GSDME: variants seen among roughly 807,000 people sequenced by gnomAD.
The protein encoded by GSDME is gasdermin-E.
In GSDME, 44 loss-of-function variants were observed where a neutral mutation model predicts 47.5. The observed-to-expected ratio is 0.93, with a 90% CI of 0.73 to 1.19. GSDME has a LOEUF of 1.19. GSDME is among the 50% of genes most tolerant of loss of function. GSDME has a pLI of 0.00. For missense variants in GSDME, 663 were observed against 604.2 expected, an observed-to-expected ratio of 1.10 and a Z score of -1.02; for synonymous variants, 258 against 252.8, an observed-to-expected ratio of 1.02 and a Z score of -0.20.
At chr7:24,772,258 A>C in the GSDME span, among the ~76,000 whole-genome samples, 1 of 152,322 alleles carries the variant, frequency 6.6e-6, no homozygotes, top group South Asian at 2.1e-4. This position sits in a 1 kb window ranked among gnomAD's most constrained non-coding sequence, Gnocchi z 4.5. Context: ...CCAACTCTTC[A>C]TGTGGCTGCA....
chr7:24,735,810 T>C lies in GSDME; in HGVS notation c.404+8752A>G, dbSNP rs1353582029. Among the ~76,000 whole-genome samples, 3 of 150,062 alleles carry C rather than the reference T, an allele frequency of 2.0e-5. No individual in the cohort carries two copies. Among genetic ancestry groups the C allele is most frequent in the African/African-American group, 4.9e-5 (2 of 40,832 alleles). On this transcript the variant is annotated intron_variant, in intron 3 of 9. Coordinates refer to ENST00000645220, the MANE Select transcript of GSDME (RefSeq NM_001127453.2). The surrounding 1 kb of genome is among the most constrained non-coding windows in gnomAD (Gnocchi z 4.4). ...AAATAAATAAATAAATAAATAAAAC[T>C]ACAAAAACTTTTCAAGACATAGACT...
intron 8 of GSDME, chr7:24,703,173 T>C (rs1244637716): frequency 5.6e-6 from 2 of 356,596 alleles, no homozygotes; most frequent in South Asian, 2.2e-5. Context: ...AGAGTGATGT[T>C]TGAGACCCTC....
intron 2 of GSDME, among the ~76,000 whole-genome samples, chr7:24,748,139 A>G (rs957253600): frequency 3.5e-5 from 5 of 142,704 alleles, no homozygotes; most frequent in African/African-American, 1.3e-4. Context: ...TAAAAATTAT[A>G]TAGAGTATAT....
Position 24,720,637 on chromosome 7 carries a change from C to T in GSDME, c.405-1419G>A, listed in dbSNP as rs371328294. On this transcript the variant is annotated intron_variant, in intron 3 of 9. Transcript: ENST00000645220. Reference sequence around the variant, plus strand: ...GCCATAAAAAGAAATGAAGTTGGGCCGGGCACAGTGGCTTATGCCTGTAAT... The same window carrying T: ...GCCATAAAAAGAAATGAAGTTGGGCTGGGCACAGTGGCTTATGCCTGTAAT... Among the ~76,000 whole-genome samples the T allele has an allele frequency of 3.4e-4, 52 of 152,328 alleles. No individual in the cohort carries two copies. In the South Asian group the frequency reaches 5.4e-3, roughly 16 times the overall value.
At position 24,739,466 on chromosome 7, in the gene GSDME, A is replaced by G. The variant is rs991282010; in HGVS notation, c.404+5096T>C. 3.3e-5 allele frequency among the ~76,000 whole-genome samples: 5 copies of G among 152,208 alleles called. No individual in the cohort carries two copies. Among genetic ancestry groups the G allele is most frequent in the Admixed American group, 1.3e-4 (2 of 15,278 alleles). ...GGTTAAAATGGCTTTTATCCAAAAGACAGGCAATAAAAACTGCTGATAAGA... is the reference window on the plus strand; with the variant it reads ...GGTTAAAATGGCTTTTATCCAAAAGGCAGGCAATAAAAACTGCTGATAAGA... On this transcript the variant is annotated intron_variant, in intron 3 of 9. Coordinates refer to ENST00000645220, the MANE Select transcript of GSDME (RefSeq NM_001127453.2). The surrounding 1 kb of genome is among the most constrained non-coding windows in gnomAD (Gnocchi z 5.1).
chr7:24,743,162 C>T (rs79971637), intron 3 of GSDME, among the ~76,000 whole-genome samples: 13,391 of 152,248 alleles, frequency 0.088, 754 homozygotes, highest in Non-Finnish European at 0.12. Context: ...TGCCCAGGCA[C>T]CCTCAATGTC....
At chr7:24,749,866 T>C (rs1790801155) in intron 1 of GSDME, 73 bp from the exon 2 acceptor site, 1 of 922,114 alleles carries the variant, frequency 1.1e-6, no homozygotes, top group Non-Finnish European at 1.7e-6. Context: ...AAAATTACTG[T>C]ATTTCTCCCT....
chr7:24,788,310 G>C, the GSDME span, among the ~76,000 whole-genome samples: 1 of 152,162 alleles, frequency 6.6e-6, no homozygotes, highest in Non-Finnish European at 1.5e-5. The surrounding 1 kb of genome is among the most constrained non-coding windows in gnomAD (Gnocchi z 4.6). Flanking sequence ...ACAGGGCCTG[G>C]GATAGTTCTT....
In GSDME at chr7:24,716,315, T is replaced by C. The variant is rs555436155; in HGVS notation, c.697+939A>G. 6.6e-6 allele frequency among the ~76,000 whole-genome samples: 1 copy of C among 152,328 alleles called. No homozygotes were observed. The highest frequency in any genetic ancestry group is 2.1e-4 in the South Asian group (1 of 4,822). On this transcript the variant is annotated intron_variant, in intron 5 of 9. Coordinates refer to ENST00000645220, the MANE Select transcript of GSDME (RefSeq NM_001127453.2). This position sits in a 1 kb window ranked among gnomAD's most constrained non-coding sequence, Gnocchi z 4.5. ...CGGCAGCTGCCCATGCTCACACCCT[T>C]TATGCTCCACTCATATTATTTTTGA...
intron 9 of GSDME, 31 bp downstream of exon 9, chr7:24,702,729 A>T: frequency 6.2e-7 from 1 of 1,600,910 alleles, no homozygotes; most frequent in Non-Finnish European, 8.6e-7. Flanking sequence ...ATTCCTATCC[A>T]TTCTAAGGTC....
Position 24,698,380 on chromosome 7 carries a change from A to C in GSDME, c.*646T>G, listed in dbSNP as rs1788720043. The C allele has an allele frequency of 6.5e-6, 1 of 153,600 alleles. No homozygotes were observed. The highest frequency in any genetic ancestry group is 2.4e-5 in the African/African-American group (1 of 41,446). 9.5% of individuals were successfully genotyped at this position (153,600 alleles called of 1,614,324 possible). ...CATAGTTCAAAGTTTCCTTTAATAGAATACCCAGAATACATAGGAAATCAA... is the reference window on the plus strand; with the variant it reads ...CATAGTTCAAAGTTTCCTTTAATAGCATACCCAGAATACATAGGAAATCAA... On this transcript the variant is annotated 3_prime_UTR_variant, in exon 10 of 10. Coordinates refer to ENST00000645220, the MANE Select transcript of GSDME (RefSeq NM_001127453.2).
In GSDME at chr7:24,735,704, G is replaced by A. The variant is rs1391197066; in HGVS notation, c.404+8858C>T. Among the ~76,000 whole-genome samples, 4 of 151,838 alleles carry A rather than the reference G, an allele frequency of 2.6e-5. No individual in the cohort carries two copies. The highest frequency in any genetic ancestry group is 6.6e-5 in the Admixed American group (1 of 15,250). ...ACCTGGGAGGTAGAGGTTGCGATGAGCCGAGATTGCACCACTGCACTCCAG... is the reference window on the plus strand; with the variant it reads ...ACCTGGGAGGTAGAGGTTGCGATGAACCGAGATTGCACCACTGCACTCCAG... On this transcript the variant is annotated intron_variant, in intron 3 of 9. Transcript: ENST00000645220. This position sits in a 1 kb window ranked among gnomAD's most constrained non-coding sequence, Gnocchi z 4.4.
At chr7:24,773,390 A>G in the GSDME span, among the ~76,000 whole-genome samples, 1 of 152,194 alleles carries the variant, frequency 6.6e-6, no homozygotes, top group Non-Finnish European at 1.5e-5. The surrounding 1 kb of genome is among the most constrained non-coding windows in gnomAD (Gnocchi z 5.4). Context: ...TTATTTTTAC[A>G]TTTTAGTGCA....
upstream of GSDME, among the ~76,000 whole-genome samples, chr7:24,761,559 C>T (rs572015844): frequency 6.6e-5 from 10 of 152,370 alleles, no homozygotes; most frequent in African/African-American, 2.2e-4. This position sits in a 1 kb window ranked among gnomAD's most constrained non-coding sequence, Gnocchi z 4.4. Context: ...CCTCCTGAAA[C>T]TATCACATTG....
chr7:24,731,100 T>G (rs1790128968), intron 3 of GSDME, among the ~76,000 whole-genome samples: 1 of 152,220 alleles, frequency 6.6e-6, no homozygotes, highest in African/African-American at 2.4e-5. Context: ...AGGAAAGACA[T>G]CTTTTAAAAA....
chr7:24,749,757 G>A lies in GSDME; in HGVS notation c.18C>T (p.Thr6=). ...CATCAACTTCTCTAAGAAAATTCCT[G>A]GTTGCTTTGGCAAACATTTTGAAAG... MFAKA[T]RNFLREVDAD... The change falls in exon 2 of 10, where the codon ACC becomes ACT. Residue 6 remains threonine (T), a synonymous_variant. Transcript: ENST00000645220. 6.2e-7 allele frequency: 1 copy of A among 1,613,806 alleles called. No individual in the cohort carries two copies. The highest frequency in any genetic ancestry group is 8.5e-7 in the Non-Finnish European group (1 of 1,179,868).
At chr7:24,758,629 C>A (rs1208470285), upstream of GSDME, among the ~76,000 whole-genome samples, 2 of 152,218 alleles carry the variant, frequency 1.3e-5, no homozygotes, top group East Asian at 3.8e-4. This position sits in a 1 kb window ranked among gnomAD's most constrained non-coding sequence, Gnocchi z 4.6. Flanking sequence ...AGAAGCCCGG[C>A]AGCGCTTTCC....
rs1174269211 is a variant in GSDME at position 24,742,050 on chromosome 7, CAAGT to C, written c.404+2508_404+2511del. Among the ~76,000 whole-genome samples, 2 of 152,212 alleles carry C rather than the reference CAAGT, an allele frequency of 1.3e-5. No homozygotes were observed. The highest frequency in any genetic ancestry group is 2.9e-5 in the Non-Finnish European group (2 of 68,044). On this transcript the variant is annotated intron_variant, in intron 3 of 9. Coordinates refer to ENST00000645220, the MANE Select transcript of GSDME (RefSeq NM_001127453.2). This position sits in a 1 kb window ranked among gnomAD's most constrained non-coding sequence, Gnocchi z 4.4. ...GGCATCCCTTCCCCCATCACCACTA[CAAGT>C]AATAGGACTCCCGAGTCCAAGTGAT...
In GSDME at chr7:24,728,780, G is replaced by A. The variant is rs1244733703; in HGVS notation, c.405-9562C>T. On this transcript the variant is annotated intron_variant, in intron 3 of 9. Coordinates refer to ENST00000645220, the MANE Select transcript of GSDME (RefSeq NM_001127453.2). This position sits in a 1 kb window ranked among gnomAD's most constrained non-coding sequence, Gnocchi z 7.2. Reference sequence around the variant, plus strand: ...CAGAAACTTCCCACACATCAGAGATGCTCAGCCCACAGCCGGGGGCAGGAA... The same window carrying A: ...CAGAAACTTCCCACACATCAGAGATACTCAGCCCACAGCCGGGGGCAGGAA... 6.6e-6 allele frequency among the ~76,000 whole-genome samples: 1 copy of A among 152,180 alleles called. No individual in the cohort carries two copies. The highest frequency in any genetic ancestry group is 6.5e-5 in the Admixed American group (1 of 15,284).
Sources: gnomAD v4.1 joint callset for allele counts (sites outside exome capture counted in the v4.1 genomes callset) on GRCh38, gnomAD v4.1.1 for gene constraint, Gnocchi (gnomAD v3.1) non-coding constraint, MANE v1.5 for transcripts, NCBI Gene and HGNC (gene_info 2026-07-23, HGNC 2026-07-21) for gene names.